Variants in RGS6 observed in about 807,000 individuals in gnomAD.
RGS6 encodes regulator of G-protein signaling 6.
Under a neutral mutation model 78.5 loss-of-function variants are expected in RGS6, and 30 were observed. That is an observed-to-expected ratio of 0.38 (90% CI 0.29 to 0.52). The LOEUF is 0.52. Among genes scored for constraint, RGS6 ranks in the 20% least tolerant of loss-of-function variants. The pLI, the probability that RGS6 is intolerant of heterozygous loss-of-function variation, is 0.85. For synonymous variants in RGS6, 206 were observed against 206.0 expected, an observed-to-expected ratio of 1.00 and a Z score of 0.00; for missense variants, 495 against 609.7, an observed-to-expected ratio of 0.81 and a Z score of 1.98.
chr14:72,420,801 G>A (rs61995145), intron 3 of RGS6, among the ~76,000 whole-genome samples: 151 of 152,254 alleles, frequency 9.9e-4, no homozygotes, highest in Admixed American at 2.0e-3. Flanking sequence ...AAGAAATTAA[G>A]CAGTATTCAG....
intron 3 of RGS6, among the ~76,000 whole-genome samples, chr14:72,449,811 G>A (rs7155105): frequency 0.68 from 102,913 of 151,830 alleles, 35,632 homozygotes; most frequent in East Asian, 0.98. Context: ...ATTGAGCCTC[G>A]GGATTGAGCC....
Position 72,439,025 on chromosome 14 carries a change from C to T in RGS6, c.185-15503C>T, listed in dbSNP as rs1277825484. On this transcript the variant is annotated intron_variant, in intron 3 of 17. Transcript: ENST00000553525. Reference sequence around the variant, plus strand: ...GAGGCTCTTCCTCCAAAGAGTCACACGACCATCTCCTTCTTGTTCCTGAGT... The same window carrying T: ...GAGGCTCTTCCTCCAAAGAGTCACATGACCATCTCCTTCTTGTTCCTGAGT... 7.2e-5 allele frequency among the ~76,000 whole-genome samples: 11 copies of T among 152,326 alleles called. No individual in the cohort carries two copies. In the South Asian group the frequency reaches 1.4e-3, roughly 20 times the overall value.
Position 71,943,480 on chromosome 14 carries a change from G to A in RGS6, c.-21+10539G>A, listed in dbSNP as rs113606405. 9.6e-3 allele frequency among the ~76,000 whole-genome samples: 1,459 copies of A among 152,282 alleles called. 20 individuals are homozygous for A. The highest frequency in any genetic ancestry group is 0.033 in the African/African-American group (1,389 of 41,554). The stretch of plus-strand genomic sequence containing the variant: ...TATTTTCTGTTCCTGAGGCATTGCT[G>A]TGTTAGTCAAGCATTTGATGGACTC... On this transcript the variant is annotated intron_variant, in intron 1 of 17. Transcript: ENST00000553525.
intron 2 of RGS6, among the ~76,000 whole-genome samples, chr14:72,269,337 C>T (rs534201061): frequency 6.6e-6 from 1 of 152,258 alleles, no homozygotes; most frequent in Non-Finnish European, 1.5e-5. Flanking sequence ...AGCGGAAGTC[C>T]TTAGAGTACT....
At chr14:72,269,665 A>G (rs188219980) in intron 2 of RGS6, among the ~76,000 whole-genome samples, 76 of 148,330 alleles carry the variant, frequency 5.1e-4, no homozygotes, top group Non-Finnish European at 6.2e-4. Context: ...CCCGGGCTCA[A>G]GGGATTCTCC....
intron 2 of RGS6, among the ~76,000 whole-genome samples, chr14:71,981,546 G>A (rs2094454253): frequency 6.8e-6 from 1 of 148,132 alleles, no homozygotes; most frequent in African/African-American, 2.5e-5. Context: ...GCCCCTGCTG[G>A]GGGGTGCCTC....
At chr14:72,185,319 T>G (rs1304399404) in intron 2 of RGS6, among the ~76,000 whole-genome samples, 1 of 152,100 alleles carries the variant, frequency 6.6e-6, no homozygotes, top group African/African-American at 2.4e-5. Context: ...TGACAATACT[T>G]TGCATTCTTC....
chr14:72,209,493 C>G (rs939736345), intron 2 of RGS6, among the ~76,000 whole-genome samples: 1 of 152,024 alleles, frequency 6.6e-6, no homozygotes, highest in African/African-American at 2.4e-5. Flanking sequence ...TCAAAGTCAC[C>G]TTAAGTGAGT....
chr14:72,159,353 G>C (rs2096821108), intron 2 of RGS6, among the ~76,000 whole-genome samples: 1 of 152,210 alleles, frequency 6.6e-6, no homozygotes, highest in South Asian at 2.1e-4. Flanking sequence ...TCCGGGCAGA[G>C]TGTGAGGGTA....
At chr14:71,995,821 A>G (rs530496055) in intron 2 of RGS6, among the ~76,000 whole-genome samples, 1 of 152,288 alleles carries the variant, frequency 6.6e-6, no homozygotes, top group South Asian at 2.1e-4. Flanking sequence ...CTTGACACAC[A>G]TTCAGAAAAT....
intron 3 of RGS6, among the ~76,000 whole-genome samples, chr14:72,430,846 C>T (rs2094601084): frequency 6.6e-6 from 1 of 152,120 alleles, no homozygotes; most frequent in Non-Finnish European, 1.5e-5. Flanking sequence ...GCAACCATGG[C>T]TTTAAAACCC....
At chr14:72,375,063 A>G (rs190204648) in intron 3 of RGS6, among the ~76,000 whole-genome samples, 41 of 152,370 alleles carry the variant, frequency 2.7e-4, no homozygotes, top group Admixed American at 4.6e-4. Context: ...CTCAGAATGT[A>G]TCACGGAAAG....
chr14:72,028,662 G>A (rs1188509032), intron 2 of RGS6, among the ~76,000 whole-genome samples: 3 of 152,176 alleles, frequency 2.0e-5, no homozygotes. Flanking sequence ...TTATTCTAAG[G>A]CTGCGTCTGT....
rs184832463 is a variant in RGS6, at chr14:72,361,210, T to C, written c.184+9016T>C. 2.0e-5 allele frequency among the ~76,000 whole-genome samples: 3 copies of C among 152,166 alleles called. No homozygotes were observed. In the East Asian group the frequency reaches 5.8e-4, roughly 29 times the overall value. ...TTTTGAATTTAAAGACAGGTAATTT[T>C]TTTCCCCATCCACATTTAGCTCTGT... On this transcript the variant is annotated intron_variant, in intron 3 of 17. Coordinates refer to ENST00000553525, the MANE Select transcript of RGS6 (RefSeq NM_001204424.2).
chr14:72,208,861 C>T (rs2043330627), intron 2 of RGS6, among the ~76,000 whole-genome samples: 2 of 152,162 alleles, frequency 1.3e-5, no homozygotes, highest in Non-Finnish European at 2.9e-5. Context: ...TGCTTTCTCC[C>T]TTCCTGCTAT....
At chr14:72,185,000 G>C (rs1236799074) in intron 2 of RGS6, among the ~76,000 whole-genome samples, 1 of 152,134 alleles carries the variant, frequency 6.6e-6, no homozygotes, top group Non-Finnish European at 1.5e-5. Flanking sequence ...AACCTCAAAA[G>C]TAGGGAAGCC....
chr14:72,411,361 G>GCTCT (rs1258310263), intron 3 of RGS6, among the ~76,000 whole-genome samples: 5 of 151,192 alleles, frequency 3.3e-5, no homozygotes, highest in South Asian at 2.1e-4. Context: ...TCATGATTTG[G>GCTCT]CTGTTTGTCT....
chr14:72,049,228 T>C (rs998160635), intron 2 of RGS6, among the ~76,000 whole-genome samples: 1 of 152,156 alleles, frequency 6.6e-6, no homozygotes, highest in African/African-American at 2.4e-5. Context: ...CAAGAAAACC[T>C]TGGAAAACTT....
chr14:72,338,034 T>C (rs1226267632), intron 2 of RGS6, among the ~76,000 whole-genome samples: 1 of 152,238 alleles, frequency 6.6e-6, no homozygotes, highest in Non-Finnish European at 1.5e-5. Context: ...AAAAACACCT[T>C]TGCCTGAGCC....
Sources: gnomAD v4.1 joint callset for allele counts (sites outside exome capture counted in the v4.1 genomes callset) on GRCh38, gnomAD v4.1.1 for gene constraint, MANE v1.5 for transcripts, NCBI Gene and HGNC (gene_info 2026-07-23, HGNC 2026-07-21) for gene names.